The following ARHGEF9 variants were observed in gnomAD, a reference collection of about 807,000 sequenced individuals.
The protein encoded by ARHGEF9 is Cdc42 guanine nucleotide exchange factor 9.
Under a neutral mutation model 41.3 loss-of-function variants are expected in ARHGEF9, and 2 were observed. The observed-to-expected ratio is 0.05, with a 90% CI of 0.02 to 0.15. The LOEUF (loss-of-function observed/expected upper bound fraction) is 0.15. Ranked by LOEUF, ARHGEF9 falls within the 10% of genes least tolerant of loss-of-function variation. The probability of loss-of-function intolerance (pLI) is 1.00; values close to 1 mark genes in which losing one functional copy is unlikely to be tolerated. For missense variants in ARHGEF9, 225 were observed against 424.7 expected, an observed-to-expected ratio of 0.53 and a Z score of 4.13; for synonymous variants, 160 against 154.4, an observed-to-expected ratio of 1.04 and a Z score of -0.27.
chrX:63,668,517 C>T (rs2049727309), intron 6 of ARHGEF9, among the ~76,000 whole-genome samples: 1 of 111,823 alleles, frequency 8.9e-6, no homozygotes, highest in Admixed American at 9.5e-5. Context: ...CTATGCTCAC[C>T]AAGCTGACTA....
chrX:63,784,259 C>T (rs2056426139), intron 1 of ARHGEF9, among the ~76,000 whole-genome samples: 1 of 112,304 alleles, frequency 8.9e-6, no homozygotes, highest in African/African-American at 3.2e-5. Context: ...CCTAACCAGG[C>T]TTAAGCTGCT....
chrX:63,754,411 T>C, intron 1 of ARHGEF9: 1 of 1,182,957 alleles, frequency 8.5e-7, no homozygotes, highest in Non-Finnish European at 1.1e-6. Flanking sequence ...GTCTGTGATT[T>C]TTTTTTTTTC....
chrX:63,689,918 T>C (rs1481474939), intron 4 of ARHGEF9, among the ~76,000 whole-genome samples: 2 of 111,790 alleles, frequency 1.8e-5, no homozygotes, highest in Non-Finnish European at 3.8e-5. Context: ...AACAAAATTC[T>C]TTTAAAAAAT....
chrX:63,779,284 C>T (rs782070820), intron 1 of ARHGEF9, among the ~76,000 whole-genome samples: 4 of 111,989 alleles, frequency 3.6e-5, no homozygotes, highest in East Asian at 2.8e-4. Context: ...GAAGAAATAC[C>T]GGATACTAGG....
At chrX:63,758,278 C>CA (rs782351223) in intron 1 of ARHGEF9, among the ~76,000 whole-genome samples, 1 of 110,916 alleles carries the variant, frequency 9.0e-6, no homozygotes, top group Non-Finnish European at 1.9e-5. Context: ...TCCTGCTTGT[C>CA]AGAGAGAGCA....
chrX:63,784,513 C>T (rs782091099), intron 1 of ARHGEF9, among the ~76,000 whole-genome samples: 2 of 112,361 alleles, frequency 1.8e-5, no homozygotes, highest in Non-Finnish European at 3.8e-5. Context: ...TTGACAAAGC[C>T]CCAAGTGTGG....
chrX:63,639,161 C>CT (rs1556302700), intron 9 of ARHGEF9, among the ~76,000 whole-genome samples: 1 of 111,609 alleles, frequency 9.0e-6, no homozygotes, highest in African/African-American at 3.3e-5. Flanking sequence ...ATTACAGTTA[C>CT]TTTTTTTGCC....
At position 63,635,384 on chromosome X, in the gene ARHGEF9, CCTCA is replaced by C; in HGVS notation, c.*2640_*2643del. On this transcript the variant is annotated 3_prime_UTR_variant, in exon 10 of 10. Coordinates refer to ENST00000671741, the MANE Select transcript of ARHGEF9 (RefSeq NM_001353921.2). ...AAGCCTTTTGGAGAGCAAATCCTGG[CCTCA>C]CTGAGTTGAGGAAAAGGGAGCTCAG... 1 of 519,941 alleles carries C rather than the reference CCTCA, an allele frequency of 1.9e-6. No individual in the cohort carries two copies. The highest frequency in any genetic ancestry group is 2.3e-5 in the African/African-American group (1 of 42,905). 42.8% of individuals were successfully genotyped at this position (519,941 alleles called of 1,213,427 possible).
At chrX:63,719,945 G>A (rs1233286125) in intron 2 of ARHGEF9, 1 of 278,537 alleles carries the variant, frequency 3.6e-6, no homozygotes, top group African/African-American at 2.8e-5. Context: ...ACATGCAATA[G>A]CACAGGAAGG....
chrX:63,670,327 A>T (rs2147288054), intron 6 of ARHGEF9: 1 of 111,785 alleles, frequency 8.9e-6, no homozygotes, highest in Admixed American at 9.5e-5. Flanking sequence ...GCTTTTAAGT[A>T]GATGCTTTTG....
intron 3 of ARHGEF9, chrX:63,701,655 T>TA (rs782065173): frequency 1.8e-5 from 2 of 111,598 alleles, no homozygotes; most frequent in East Asian, 2.8e-4. Context: ...TCAAATGAAG[T>TA]AAAAAAGTTA....
chrX:63,657,742 T>C (rs1250674080), intron 7 of ARHGEF9: 1 of 111,847 alleles, frequency 8.9e-6, no homozygotes, highest in East Asian at 2.8e-4. Flanking sequence ...GTTCCACAAT[T>C]CTCAGGAACA....
intron 2 of ARHGEF9, among the ~76,000 whole-genome samples, chrX:63,716,813 G>A (rs782471180): frequency 8.0e-4 from 89 of 111,300 alleles, no homozygotes; most frequent in Non-Finnish European, 1.3e-3. Context: ...TACCCACTGC[G>A]CACACACTCT....
chrX:63,645,802 A>G (rs1214413089), intron 8 of ARHGEF9, among the ~76,000 whole-genome samples: 3 of 112,052 alleles, frequency 2.7e-5, no homozygotes, highest in Non-Finnish European at 5.6e-5. Context: ...AGGAATCACC[A>G]CACTGACTTC....
At chrX:63,740,719 G>A (rs573597188) in intron 1 of ARHGEF9, among the ~76,000 whole-genome samples, 5 of 111,760 alleles carry the variant, frequency 4.5e-5, no homozygotes, top group South Asian at 7.5e-4. Flanking sequence ...CCCCAGCTAC[G>A]TGTCCCCCTG....
At chrX:63,766,451 T>C (rs1308755685) in intron 1 of ARHGEF9, among the ~76,000 whole-genome samples, 1 of 112,066 alleles carries the variant, frequency 8.9e-6, no homozygotes, top group Non-Finnish European at 1.9e-5. Context: ...AAGAAATGTT[T>C]GCTACCAATG....
chrX:63,684,581 G>A (rs2050860664), intron 4 of ARHGEF9, among the ~76,000 whole-genome samples: 1 of 111,289 alleles, frequency 9.0e-6, no homozygotes, highest in Non-Finnish European at 1.9e-5. Context: ...GCACTCCCAT[G>A]TTCATTGCAG....
At chrX:63,663,250 CT>C (rs1372724817) in intron 7 of ARHGEF9, among the ~76,000 whole-genome samples, 1 of 111,593 alleles carries the variant, frequency 9.0e-6, no homozygotes, top group African/African-American at 3.3e-5. Flanking sequence ...ACTATCACTT[CT>C]TTTTTCTTCA....
At chrX:63,741,692 T>C (rs1207820929) in intron 1 of ARHGEF9, among the ~76,000 whole-genome samples, 3 of 112,687 alleles carry the variant, frequency 2.7e-5, no homozygotes, top group Admixed American at 9.3e-5. Context: ...GGGTGCACAA[T>C]TGTGCCTTAT....
Sources: allele counts gnomAD v4.1 joint callset (sites outside exome capture counted in the v4.1 genomes callset), GRCh38; gene constraint gnomAD v4.1.1; transcripts MANE v1.5; gene names NCBI Gene and HGNC (gene_info 2026-07-23, HGNC 2026-07-21).